The following DNAH5 variants were observed in gnomAD, a reference collection of about 807,000 sequenced individuals.
DNAH5 encodes the protein dynein axonemal heavy chain 5, also known as axonemal beta dynein heavy chain 5.
A neutral mutation model predicts 518.2 loss-of-function variants in DNAH5; 372 were observed. That is an observed-to-expected ratio of 0.72 (90% CI 0.66 to 0.78). The LOEUF (loss-of-function observed/expected upper bound fraction) is 0.78. Ranked by LOEUF, DNAH5 falls within the 30% of genes least tolerant of loss-of-function variation. DNAH5 has a pLI of 0.00. For synonymous variants in DNAH5, 2,039 were observed against 2,025.9 expected (o/e 1.01, Z -0.17); for missense variants, 5,523 against 5,687.0 (o/e 0.97, Z 0.93).
chr5:14,001,309 G>T (rs1018573431), intron 1 of DNAH5, among the ~76,000 whole-genome samples: 9 of 152,122 alleles, frequency 5.9e-5, no homozygotes, highest in African/African-American at 1.9e-4. Flanking sequence ...TGGAAAAAAA[G>T]AAAAGTAATG....
chr5:13,911,030 A>C (rs1775922103), intron 12 of DNAH5, among the ~76,000 whole-genome samples: 1 of 152,222 alleles, frequency 6.6e-6, no homozygotes, highest in Admixed American at 6.5e-5. Context: ...CATTTGCCTG[A>C]GCTACCTCTG....
At position 13,923,376 on chromosome 5, in the gene DNAH5, G is replaced by A. The variant is rs145920072; in HGVS notation, c.342C>T (p.Phe114=). 2.1e-4 allele frequency: 335 copies of A among 1,614,102 alleles called. 1 individual carries two copies. In the African/African-American group the frequency reaches 2.1e-3, roughly 10 times the overall value. Residue 114 remains phenylalanine (F), a synonymous_variant, in exon 4 of 79, where the codon TTC becomes TTT. Transcript: ENST00000265104. The part of the protein sequence containing the change: ...VSGKIKKPKV[F]VTEGNDVALT... ...GAGCCACATCGTTTCCCTCGGTCAC[G>A]AACACCTTAGGTTTTTTAATCTTTC...
intron 55 of DNAH5, among the ~76,000 whole-genome samples, chr5:13,772,670 A>T (rs1177201165): frequency 6.6e-6 from 1 of 152,148 alleles, no homozygotes; most frequent in Non-Finnish European, 1.5e-5. Flanking sequence ...CATATAAAAA[A>T]CTCACTTTTT....
intron 52 of DNAH5, 73 bp from the exon 53 acceptor site, chr5:13,781,032 A>G: frequency 6.7e-7 from 1 of 1,486,948 alleles, no homozygotes; most frequent in East Asian, 2.4e-5. Flanking sequence ...TATTCAATAT[A>G]TGAATAAGGC....
At chr5:14,004,865 A>C (rs1006540657) in intron 1 of DNAH5, among the ~76,000 whole-genome samples, 7 of 151,910 alleles carry the variant, frequency 4.6e-5, no homozygotes, top group African/African-American at 1.7e-4. Context: ...ATAGCCTCTC[A>C]ATCTCCTTTA....
intron 33 of DNAH5, 104 bp downstream of exon 33, chr5:13,841,588 G>T: frequency 1.1e-6 from 1 of 872,160 alleles, no homozygotes; most frequent in Admixed American, 2.0e-5. Flanking sequence ...CTTAATACTG[G>T]TCTAGAGTTA....
At chr5:13,770,597 C>T in intron 56 of DNAH5, 152 bp downstream of exon 56, 1 of 713,182 alleles carries the variant, frequency 1.4e-6, no homozygotes, top group South Asian at 1.6e-5. Flanking sequence ...CCTCTACCCA[C>T]TACATGCCAG....
At chr5:13,899,966 A>T in intron 15 of DNAH5, 1 of 527,714 alleles carries the variant, frequency 1.9e-6, no homozygotes, top group Non-Finnish European at 3.3e-6. Context: ...AGTGGCTCGA[A>T]ATCCTCCAAT....
At chr5:13,915,244 A>C (rs1447338606) in intron 9 of DNAH5, among the ~76,000 whole-genome samples, 1 of 152,038 alleles carries the variant, frequency 6.6e-6, no homozygotes, top group African/African-American at 2.4e-5. Context: ...TTACAGTGCA[A>C]GGGGTGGGGG....
rs1199205675 is a variant in DNAH5, at chr5:13,810,076, T to G, written c.7592A>C (p.Tyr2531Ser). Residue 2531 changes from tyrosine to serine, a missense_variant, in exon 45 of 79, where the codon TAC (tyrosine) becomes TCC (serine). Tyr to Ser is a moderately radical substitution (Grantham distance 144, BLOSUM62 -2). Coordinates refer to ENST00000265104, the MANE Select transcript of DNAH5 (RefSeq NM_001369.3). Reference protein sequence around the residue: ...PAGPGDTAFDYYVAPDGTWTH... With the variant: ...PAGPGDTAFDSYVAPDGTWTH... ...GTCCTCACCATCGGGCGCCACATAG[T>G]AGTCGAAGGCGGTGTCCCCGGGCCC... is the stretch of plus-strand genomic sequence containing the variant. The G allele has an allele frequency of 1.9e-6, 3 of 1,552,674 alleles. No individual in the cohort carries two copies. The highest frequency in any genetic ancestry group is 2.6e-6 in the Non-Finnish European group (3 of 1,148,452).
At chr5:13,923,955 A>G (rs570485765) in intron 3 of DNAH5, among the ~76,000 whole-genome samples, 1 of 152,176 alleles carries the variant, frequency 6.6e-6, no homozygotes, top group East Asian at 1.9e-4. Flanking sequence ...CTGAGGCAGG[A>G]GAATCACTTG....
Position 13,708,121 on chromosome 5 carries a change from A to T in DNAH5, c.13338+2T>A. 1 of 1,614,064 alleles carries T rather than the reference A, an allele frequency of 6.2e-7. No homozygotes were observed. Among genetic ancestry groups the T allele is most frequent in the East Asian group, 2.2e-5 (1 of 44,882 alleles). ...GCAGAATAACAGCAGGCTTATACGT[A>T]CTTTTTTCCACCAAGCAGGGATTCT... On this transcript the variant is annotated splice_donor_variant, in intron 76 of 78. Coordinates refer to ENST00000265104, the MANE Select transcript of DNAH5 (RefSeq NM_001369.3). LOFTEE classifies it high-confidence loss of function.
intron 78 of DNAH5, among the ~76,000 whole-genome samples, 161 bp downstream of exon 78, chr5:13,700,479 A>G (rs1488504096): frequency 6.6e-6 from 1 of 152,224 alleles, no homozygotes; most frequent in Non-Finnish European, 1.5e-5. Context: ...GAAAGTGCCT[A>G]GAAGTCAGTA....
intron 33 of DNAH5, 53 bp from the exon 34 acceptor site, chr5:13,841,183 A>C: frequency 2.9e-6 from 4 of 1,361,758 alleles, no homozygotes; most frequent in Non-Finnish European, 4.2e-6. Flanking sequence ...TTATGTATTT[A>C]AATAGAAATA....
At chr5:13,840,747 G>T (rs907948993) in intron 34 of DNAH5, among the ~76,000 whole-genome samples, 159 bp downstream of exon 34, 1 of 152,176 alleles carries the variant, frequency 6.6e-6, no homozygotes, top group Non-Finnish European at 1.5e-5. Flanking sequence ...GTTCAGTTAA[G>T]ACTGAAAAGA....
rs754754549 is a variant in DNAH5 at position 13,919,269 on chromosome 5, G to A, written c.882C>T (p.Leu294=). The part of the protein sequence containing the change: ...RAELEHWKKR[L]SKFNYLLEQL... ...GTTCCAAAAGGTAGTTAAACTTGGA[G>A]AGTCTTTTTTTCCAGTGCTCCAGCT... The change falls in exon 7 of 79, where the codon CTC becomes CTT. Residue 294 remains leucine, a synonymous_variant. Coordinates refer to ENST00000265104, the MANE Select transcript of DNAH5 (RefSeq NM_001369.3). 6.2e-7 allele frequency: 1 copy of A among 1,614,162 alleles called. No homozygotes were observed. The highest frequency in any genetic ancestry group is 1.7e-5 in the Admixed American group (1 of 60,016).
intron 38 of DNAH5, among the ~76,000 whole-genome samples, chr5:13,827,276 C>T (rs536522326): frequency 3.4e-4 from 52 of 152,020 alleles, no homozygotes; most frequent in African/African-American, 1.2e-3. Flanking sequence ...CATAAATTTG[C>T]GTAAGTAATG....
intron 47 of DNAH5, among the ~76,000 whole-genome samples, chr5:13,797,258 A>G (rs2126934443): frequency 6.6e-6 from 1 of 152,322 alleles, no homozygotes; most frequent in Non-Finnish European, 1.5e-5. Context: ...ATCAGAGTGA[A>G]CAGGCAACCT....
intron 1 of DNAH5, among the ~76,000 whole-genome samples, chr5:13,943,559 G>A (rs1779655087): frequency 6.6e-6 from 1 of 152,196 alleles, no homozygotes; most frequent in Non-Finnish European, 1.5e-5. Flanking sequence ...AGCAAGTTCA[G>A]GGGCTTGGCT....
Sources: gnomAD v4.1 joint callset for allele counts (sites outside exome capture counted in the v4.1 genomes callset) on GRCh38, gnomAD v4.1.1 for gene constraint, MANE v1.5 for transcripts, NCBI Gene and HGNC (gene_info 2026-07-23, HGNC 2026-07-21) for gene names.